UBE4B: variants seen among roughly 807,000 people sequenced by gnomAD.
UBE4B encodes ubiquitin conjugation factor E4 B.
In UBE4B, 27 loss-of-function variants were observed where a neutral mutation model predicts 148.1. The ratio of observed to expected loss-of-function variants is 0.18; its 90% CI spans 0.13 to 0.25. The LOEUF (loss-of-function observed/expected upper bound fraction) is 0.25. Ranked by LOEUF, UBE4B falls within the 10% of genes least tolerant of loss-of-function variation. UBE4B has a pLI of 1.00. For synonymous variants in UBE4B, 596 were observed against 619.3 expected (o/e 0.96, Z 0.56); for missense variants, 1,170 against 1,662.4 (o/e 0.70, Z 5.15).
chr1:10,138,091 C>T (rs530141460), intron 17 of UBE4B, among the ~76,000 whole-genome samples: 162 of 148,974 alleles, frequency 1.1e-3, no homozygotes, highest in African/African-American at 3.5e-3. Context: ...TGCACCACCA[C>T]GCCTGGCCAA....
At chr1:10,149,699 A>G (rs1247241358) in intron 20 of UBE4B, among the ~76,000 whole-genome samples, 1 of 152,182 alleles carries the variant, frequency 6.6e-6, no homozygotes, top group Non-Finnish European at 1.5e-5. Flanking sequence ...TCTAACTGGT[A>G]TTGTAGGGTT....
rs1159869676 is a variant in UBE4B, at chr1:10,103,085, A to G, written c.573A>G (p.Pro191=). ...TTTCTGCACAGTTTAAGCAGAACCC[A>G]AAAGAAGGTAGGAATCTAGCTCAGC... ...SSLSAQFKQN[P]KEVFSDFKDL... is the part of the protein sequence containing the mutation. The change falls in exon 5 of 28, where the codon CCA becomes CCG. Residue 191 remains proline (P), a synonymous_variant. Transcript: ENST00000343090. 3 of 1,602,750 alleles carry G rather than the reference A, an allele frequency of 1.9e-6. No homozygotes were observed.
chr1:10,040,626 T>TC (rs932798069), intron 1 of UBE4B, among the ~76,000 whole-genome samples: 4 of 151,528 alleles, frequency 2.6e-5, no homozygotes, highest in African/African-American at 7.3e-5. Context: ...TTTTTCTTTT[T>TC]TTTTTTTTGA....
At position 10,102,963 on chromosome 1, in the gene UBE4B, C is replaced by A. The variant is rs139159603; in HGVS notation, c.451C>A (p.Pro151Thr). The A allele has an allele frequency of 2.5e-5, 40 of 1,611,090 alleles. No individual in the cohort carries two copies. Among genetic ancestry groups the A allele is most frequent in the Non-Finnish European group, 3.1e-5 (36 of 1,177,824 alleles). ...SLSDKEPSSG[P>T]EVSEEQALQL... ...TCTTCACCAGGAGCCTTCCTCGGGC[C>A]CTGAAGTGTCTGAAGAGCAGGCCTT... is the stretch of plus-strand genomic sequence containing the variant. The change falls in exon 5 of 28, where the codon CCT (proline) becomes ACT (threonine). Residue 151 changes from proline to threonine, a missense_variant. By Grantham distance (38) the Pro-to-Thr change is conservative. Transcript: ENST00000343090.
rs776157937 is a variant in UBE4B at position 10,119,540 on chromosome 1, C to T, written c.1366C>T (p.Leu456Phe). Residue 456 changes from leucine (L) to phenylalanine (F), a missense_variant, in exon 9 of 28, where the codon CTT (leucine) becomes TTT (phenylalanine). Transcript: ENST00000343090. ...KMCSQPAVSQ[L>F]LSNIRSQCIS... ...GTGCAGCCAGCCAGCAGTCAGCCAG[C>T]TTCTGAGCAACATCCGCTCACAGTG... The T allele has an allele frequency of 6.2e-7, 1 of 1,613,810 alleles. No homozygotes were observed.
chr1:10,126,816 G>A lies in UBE4B; in HGVS notation c.1577G>A (p.Gly526Asp). Reference sequence around the variant, plus strand: ...TAGATATTTATCCCCATTTTACAAGGCCTGGCTCTTGCTGCCAAAGAGTGC... The same window carrying A: ...TAGATATTTATCCCCATTTTACAAGACCTGGCTCTTGCTGCCAAAGAGTGC... ...FKQIFIPILQ[G>D]LALAAKECSL... The change falls in exon 11 of 28, where the codon GGC (glycine) becomes GAC (aspartate). Residue 526 changes from glycine (G) to aspartate (D), a missense_variant. Around this residue, in one of 6 missense-constraint regions of UBE4B, gnomAD observed 388 missense variants for 536.0 expected, o/e 0.72. Coordinates refer to ENST00000343090, the MANE Select transcript of UBE4B (RefSeq NM_001105562.3). 1.2e-6 allele frequency: 2 copies of A among 1,613,720 alleles called. No homozygotes were observed. Among genetic ancestry groups the A allele is most frequent in the Non-Finnish European group, 1.7e-6 (2 of 1,179,860 alleles).
intron 2 of UBE4B, among the ~76,000 whole-genome samples, chr1:10,076,638 C>T (rs1438572374): frequency 6.6e-6 from 1 of 151,778 alleles, no homozygotes; most frequent in Admixed American, 6.6e-5. Flanking sequence ...TTTGGTGGCC[C>T]TCTTAGTTGG....
intron 9 of UBE4B, among the ~76,000 whole-genome samples, chr1:10,119,931 T>C (rs2101920168): frequency 6.6e-6 from 1 of 152,300 alleles, no homozygotes; most frequent in South Asian, 2.1e-4. Flanking sequence ...AGCAACTGCC[T>C]GAAGTTGGTG....
chr1:10,057,229 G>A (rs1386507713), intron 1 of UBE4B, among the ~76,000 whole-genome samples: 2 of 152,032 alleles, frequency 1.3e-5, no homozygotes. Flanking sequence ...CCAGCTGGCA[G>A]AATGGGGTTA....
intron 2 of UBE4B, among the ~76,000 whole-genome samples, chr1:10,079,508 T>C (rs1644641487): frequency 6.6e-6 from 1 of 152,232 alleles, no homozygotes; most frequent in Non-Finnish European, 1.5e-5. Context: ...TACACAATTA[T>C]ATAGGAATAT....
At position 10,103,046 on chromosome 1, in the gene UBE4B, C is replaced by A. The variant is rs144407536; in HGVS notation, c.534C>A (p.Ile178=). The A allele has an allele frequency of 2.6e-5, 42 of 1,613,070 alleles. No individual in the cohort carries two copies. In the African/African-American group the frequency reaches 3.7e-4, roughly 14 times the overall value. Residue 178 remains isoleucine, a synonymous_variant, in exon 5 of 28, where the codon ATC becomes ATA. Transcript: ENST00000343090. ...VSWKDRDRDV[I]FLSSLSAQFK... ...GGAAGGACCGGGACAGAGATGTCAT[C>A]TTTCTTTCTTCTCTTTCTGCACAGT...
chr1:10,064,983 T>C (rs1644360592), intron 1 of UBE4B, among the ~76,000 whole-genome samples: 1 of 152,102 alleles, frequency 6.6e-6, no homozygotes, highest in South Asian at 2.1e-4. Context: ...AGACTGGTCT[T>C]GAACTCCTGA....
chr1:10,169,565 A>G (rs955326011), intron 24 of UBE4B, among the ~76,000 whole-genome samples: 1 of 152,246 alleles, frequency 6.6e-6, no homozygotes, highest in Non-Finnish European at 1.5e-5. Context: ...GCATGAAACA[A>G]AACAGCTCAC....
rs749053336 is a variant in UBE4B, at chr1:10,117,555, C to T, written c.1293C>T (p.Ile431=). The part of the protein sequence containing the change: ...CKETDMLNYL[I]ECFDRVGIEE... ...AGACAGATATGCTGAACTACCTCATCGAGTGTTTCGACCGAGTTGGAATAG... is the reference window on the plus strand; with the variant it reads ...AGACAGATATGCTGAACTACCTCATTGAGTGTTTCGACCGAGTTGGAATAG... Residue 431 remains isoleucine (I), a synonymous_variant, in exon 8 of 28, where the codon ATC becomes ATT. Coordinates refer to ENST00000343090, the MANE Select transcript of UBE4B (RefSeq NM_001105562.3). 6 of 1,608,224 alleles carry T rather than the reference C, an allele frequency of 3.7e-6. No homozygotes were observed. The highest frequency in any genetic ancestry group is 1.1e-5 in the South Asian group (1 of 90,108).
At position 10,161,266 on chromosome 1, in the gene UBE4B, C is replaced by G. The variant is rs1646154970; in HGVS notation, c.3178C>G (p.Gln1060Glu). The change falls in exon 23 of 28, where the codon CAG (glutamine) becomes GAG (glutamate). Residue 1060 changes from glutamine (Q) to glutamate (E), a missense_variant. Around this residue, in one of 6 missense-constraint regions of UBE4B, gnomAD observed 348 missense variants for 627.2 expected, o/e 0.55. Coordinates refer to ENST00000343090, the MANE Select transcript of UBE4B (RefSeq NM_001105562.3). This position sits in a 1 kb window ranked among gnomAD's most constrained non-coding sequence, Gnocchi z 4.1. ...EVQEEMKNKEQWDQLPRDQQQ... is the reference protein window; with the variant it reads ...EVQEEMKNKEEWDQLPRDQQQ... The stretch of plus-strand genomic sequence containing the variant: ...GCAGGAAGAGATGAAGAACAAAGAA[C>G]AGTGGGACCAGTTGCCCCGGGTGAG... 1 of 1,614,038 alleles carries G rather than the reference C, an allele frequency of 6.2e-7. No individual in the cohort carries two copies. The highest frequency in any genetic ancestry group is 8.5e-7 in the Non-Finnish European group (1 of 1,179,972).
chr1:10,134,932 C>G (rs561137363), intron 15 of UBE4B, 56 bp from the exon 16 acceptor site: 1 of 1,536,122 alleles, frequency 6.5e-7, no homozygotes, highest in African/African-American at 1.4e-5. Flanking sequence ...GAGACCCCAT[C>G]TCAAAAAAAA....
chr1:10,102,113 CAA>C (rs953563212), intron 4 of UBE4B, among the ~76,000 whole-genome samples: 1 of 151,498 alleles, frequency 6.6e-6, no homozygotes, highest in African/African-American at 2.4e-5. Flanking sequence ...TAAAGACAAA[CAA>C]AGGAAAAAAT....
rs775903336 is a variant in UBE4B, at chr1:10,149,229, G to A, written c.2637G>A (p.Ala879=). The A allele has an allele frequency of 3.2e-5, 52 of 1,610,316 alleles. No homozygotes were observed. The highest frequency in any genetic ancestry group is 2.8e-4 in the South Asian group (25 of 90,080). The change falls in exon 20 of 28, where the codon GCG becomes GCA. Residue 879 remains alanine (A), a synonymous_variant. Transcript: ENST00000343090. ...LNSDVPKVFA[A]LPEFYVEDVA... ...CAGATGTCCCCAAGGTATTTGCAGC[G>A]TTGCCTGAGTTTTATGTAGAAGATG...
rs780168290 is a variant in UBE4B at position 10,106,196 on chromosome 1, G to C, written c.810-1G>C. 1.3e-6 allele frequency: 2 copies of C among 1,580,218 alleles called. No homozygotes were observed. The highest frequency in any genetic ancestry group is 1.7e-6 in the Non-Finnish European group (2 of 1,158,976). On this transcript the variant is annotated splice_acceptor_variant, in intron 6 of 27. Coordinates refer to ENST00000343090, the MANE Select transcript of UBE4B (RefSeq NM_001105562.3). LOFTEE classifies it high-confidence loss of function. This position sits in a 1 kb window ranked among gnomAD's most constrained non-coding sequence, Gnocchi z 4.2. ...TTTCCTCCCTTTCTCAACTAATTTA[G>C]CCTCTATGAAAGTAGTCCGGCTCCC...
Sources: allele counts gnomAD v4.1 joint callset (sites outside exome capture counted in the v4.1 genomes callset), GRCh38; gene constraint gnomAD v4.1.1; regional missense constraint gnomAD v4.1.1; non-coding constraint Gnocchi (gnomAD v3.1); transcripts MANE v1.5; gene names NCBI Gene and HGNC (gene_info 2026-07-23, HGNC 2026-07-21).